The following ROBO1 variants were observed in gnomAD, a reference collection of about 807,000 sequenced individuals.
ROBO1 encodes the protein roundabout homolog 1.
A neutral mutation model predicts 195.9 loss-of-function variants in ROBO1; 149 were observed. The observed-to-expected ratio is 0.76, with a 90% CI of 0.67 to 0.87. ROBO1 has a LOEUF of 0.87. ROBO1 is among the 40% of genes least tolerant of loss of function. The pLI is 0.00. For missense variants in ROBO1, 1,933 were observed against 2,068.3 expected, an observed-to-expected ratio of 0.93 and a Z score of 1.27; for synonymous variants, 816 against 733.2, an observed-to-expected ratio of 1.11 and a Z score of -1.82.
chr3:78,800,302 A>G (rs1040333253), intron 4 of ROBO1, among the ~76,000 whole-genome samples: 1 of 152,208 alleles, frequency 6.6e-6, no homozygotes, highest in Admixed American at 6.5e-5. Context: ...ATCACTGGTA[A>G]TCAAGAAAAT....
chr3:79,575,508 A>G (rs1404906348), intron 2 of ROBO1, among the ~76,000 whole-genome samples: 1 of 122,000 alleles, frequency 8.2e-6, no homozygotes, highest in Non-Finnish European at 1.8e-5. Context: ...AATATATATA[A>G]CAAATATATA....
chr3:79,116,579 G>T (rs1316038269), intron 3 of ROBO1, among the ~76,000 whole-genome samples: 18 of 147,784 alleles, frequency 1.2e-4, no homozygotes, highest in African/African-American at 4.5e-4. Flanking sequence ...GAAGGCAGTG[G>T]TGCAATCTTT....
intron 2 of ROBO1, among the ~76,000 whole-genome samples, chr3:79,266,960 G>A (rs952894745): frequency 4.6e-5 from 7 of 151,258 alleles, no homozygotes; most frequent in East Asian, 1.9e-4. Flanking sequence ...ATTATCCTCC[G>A]TTCACTTATA....
chr3:79,285,923 A>T (rs1002124671), intron 2 of ROBO1, among the ~76,000 whole-genome samples: 9 of 152,208 alleles, frequency 5.9e-5, no homozygotes, highest in African/African-American at 2.2e-4. Context: ...AAGGTGAAGG[A>T]AAAATGAGAC....
At chr3:79,087,610 C>G (rs539347856) in intron 3 of ROBO1, among the ~76,000 whole-genome samples, 156 of 151,616 alleles carry the variant, frequency 1.0e-3, no homozygotes, top group African/African-American at 3.4e-3. Context: ...TCTCTCCATC[C>G]CTGCTTTCCT....
At chr3:79,603,517 C>A (rs749811479) in intron 1 of ROBO1, among the ~76,000 whole-genome samples, 9 of 151,958 alleles carry the variant, frequency 5.9e-5, no homozygotes, top group Non-Finnish European at 8.8e-5. Context: ...TTGAGATCAA[C>A]TGCTGCTGAT....
intron 1 of ROBO1, among the ~76,000 whole-genome samples, chr3:79,683,611 C>T (rs1470150063): frequency 2.6e-5 from 4 of 152,076 alleles, no homozygotes; most frequent in Non-Finnish European, 5.9e-5. Context: ...CCTATTTCCC[C>T]TCATCTCCAG....
chr3:78,710,554 T>G (rs1367228519), intron 8 of ROBO1, among the ~76,000 whole-genome samples: 1 of 152,182 alleles, frequency 6.6e-6, no homozygotes, highest in African/African-American at 2.4e-5. Flanking sequence ...TTACAAAATA[T>G]GTACTGTATA....
At chr3:79,070,146 A>C (rs145541489) in intron 3 of ROBO1, among the ~76,000 whole-genome samples, 1 of 152,000 alleles carries the variant, frequency 6.6e-6, no homozygotes, top group East Asian at 1.9e-4. Flanking sequence ...GAGAAAGAGA[A>C]GAATCTTTGA....
chr3:78,627,513 T>C lies in ROBO1; in HGVS notation c.3683A>G (p.Asp1228Gly), dbSNP rs1704886414. 6.2e-7 allele frequency: 1 copy of C among 1,613,422 alleles called. No homozygotes were observed. The highest frequency in any genetic ancestry group is 8.5e-7 in the Non-Finnish European group (1 of 1,179,730). Residue 1228 changes from aspartate (D) to glycine (G), a missense_variant, in exon 26 of 31, where the codon GAT becomes GGT. By Grantham distance (94) the Asp-to-Gly change is moderately conservative (BLOSUM62 -1). This residue lies in a region of ROBO1 where 1,737 missense variants were observed against 1,882.5 expected (regional missense o/e 0.92). Coordinates refer to ENST00000464233, the MANE Select transcript of ROBO1 (RefSeq NM_002941.4). ...TTCATCTTCCTCCTCTTCTAATTCATCTTGTTGCAAATACATCCTTGCTGG... is the reference window on the plus strand; with the variant it reads ...TTCATCTTCCTCCTCTTCTAATTCACCTTGTTGCAAATACATCCTTGCTGG... The part of the protein sequence containing the change: ...VPPARMYLQQ[D>G]ELEEEEDERG...
At position 78,717,826 on chromosome 3, in the gene ROBO1, C is replaced by T. The variant is rs2081940843; in HGVS notation, c.715G>A (p.Val239Ile). 1 of 1,613,774 alleles carries T rather than the reference C, an allele frequency of 6.2e-7. No homozygotes were observed. Among genetic ancestry groups the T allele is most frequent in the Non-Finnish European group, 8.5e-7 (1 of 1,179,780 alleles). Residue 239 changes from valine to isoleucine, a missense_variant, in exon 6 of 31, where the codon GTT becomes ATT. This residue lies in a region of ROBO1 where 1,737 missense variants were observed against 1,882.5 expected (regional missense o/e 0.92). Coordinates refer to ENST00000464233, the MANE Select transcript of ROBO1 (RefSeq NM_002941.4). ...CCAACCATATTGGTACCAACACAAACATATTTGCCAGCGTCACTTTTACGG... is the reference window on the plus strand; with the variant it reads ...CCAACCATATTGGTACCAACACAAATATATTTGCCAGCGTCACTTTTACGG... ...YTRKSDAGKY[V>I]CVGTNMVGER...
chr3:78,904,169 A>G (rs2037756376), intron 4 of ROBO1, among the ~76,000 whole-genome samples: 2 of 151,806 alleles, frequency 1.3e-5, no homozygotes, highest in South Asian at 2.1e-4. Context: ...ACATATATTC[A>G]GTTTTTCAAC....
At chr3:79,528,892 CGT>C (rs1941540520) in intron 2 of ROBO1, among the ~76,000 whole-genome samples, 2 of 152,096 alleles carry the variant, frequency 1.3e-5, no homozygotes, top group South Asian at 4.1e-4. Flanking sequence ...TAGAAGATTC[CGT>C]GTTTAAAGAC....
At chr3:78,848,555 C>G (rs559845320) in intron 4 of ROBO1, among the ~76,000 whole-genome samples, 1 of 152,074 alleles carries the variant, frequency 6.6e-6, no homozygotes, top group South Asian at 2.1e-4. Flanking sequence ...CAGCACAGAC[C>G]TTAGAGAAGG....
At chr3:79,506,965 GT>G (rs1414084525) in intron 2 of ROBO1, among the ~76,000 whole-genome samples, 1 of 152,146 alleles carries the variant, frequency 6.6e-6, no homozygotes, top group Non-Finnish European at 1.5e-5. Context: ...TTTGTGTCAG[GT>G]TACAACACAC....
intron 3 of ROBO1, among the ~76,000 whole-genome samples, chr3:79,111,911 T>A (rs970397360): frequency 2.5e-4 from 38 of 152,064 alleles, no homozygotes; most frequent in African/African-American, 9.2e-4. Context: ...GAGAGAGGAA[T>A]TCATGTGGTT....
chr3:79,418,608 G>A (rs561638557), intron 2 of ROBO1, among the ~76,000 whole-genome samples: 1 of 152,184 alleles, frequency 6.6e-6, no homozygotes, highest in East Asian at 1.9e-4. Context: ...CATTAACACT[G>A]TTTATTTAAA....
intron 4 of ROBO1, among the ~76,000 whole-genome samples, chr3:78,923,316 A>C (rs2039045445): frequency 6.6e-6 from 1 of 152,156 alleles, no homozygotes; most frequent in Admixed American, 6.5e-5. Context: ...TCATGAAGGA[A>C]ACTCAATGGT....
At chr3:78,784,454 G>A (rs1361344399) in intron 4 of ROBO1, among the ~76,000 whole-genome samples, 4 of 152,044 alleles carry the variant, frequency 2.6e-5, no homozygotes, top group Non-Finnish European at 5.9e-5. Flanking sequence ...TTCTGTTTCG[G>A]GATGTTTAGC....
Sources: allele counts gnomAD v4.1 joint callset (sites outside exome capture counted in the v4.1 genomes callset), GRCh38; gene constraint gnomAD v4.1.1; regional missense constraint gnomAD v4.1.1; transcripts MANE v1.5; gene names NCBI Gene and HGNC (gene_info 2026-07-23, HGNC 2026-07-21).